Variants in SLC22A15 observed in about 807,000 individuals in gnomAD.
The protein encoded by SLC22A15 is flipt 1.
SLC22A15 carries 45 observed loss-of-function variants against 62.7 expected under a neutral mutation model. The ratio of observed to expected loss-of-function variants is 0.72; its 90% confidence interval spans 0.56 to 0.92. The LOEUF (loss-of-function observed/expected upper bound fraction) is 0.92. Among genes scored for constraint, SLC22A15 ranks in the 40% least tolerant of loss-of-function variants. The pLI is 0.00. For missense variants in SLC22A15, 622 were observed against 665.6 expected (o/e 0.93, Z 0.72); for synonymous variants, 264 against 267.0 (o/e 0.99, Z 0.11).
In SLC22A15 at chr1:116,037,343, G is replaced by A. The variant is rs1657657387; in HGVS notation, c.1126G>A (p.Gly376Arg). The change falls in exon 8 of 12, where the codon GGA becomes AGA. Residue 376 changes from glycine (G) to arginine (R), a missense_variant. Physicochemically the swap from Gly to Arg is moderately radical, Grantham distance 125. Transcript: ENST00000369503. The stretch of plus-strand genomic sequence containing the variant: ...AACATTATCAGCATTTCTGTGCCTA[G>A]GAGGACTGGCTTGTCTTATTGTAAT... ...KRTLSAFLCLGGLACLIVMFL... is the reference protein window; with the variant it reads ...KRTLSAFLCLRGLACLIVMFL... 6.2e-7 allele frequency: 1 copy of A among 1,613,318 alleles called. No homozygotes were observed. The highest frequency in any genetic ancestry group is 1.3e-5 in the African/African-American group (1 of 74,874).
chr1:115,984,665 G>C (rs1252297468), intron 1 of SLC22A15, among the ~76,000 whole-genome samples: 1 of 152,106 alleles, frequency 6.6e-6, no homozygotes, highest in East Asian at 1.9e-4. Flanking sequence ...TTCTTCGGGA[G>C]ACAGTCCAGA....
chr1:116,039,025 A>C (rs551008185), intron 8 of SLC22A15, among the ~76,000 whole-genome samples: 1 of 152,302 alleles, frequency 6.6e-6, no homozygotes, highest in East Asian at 1.9e-4. Context: ...TCCATGGTGA[A>C]GGCAGATGTA....
In SLC22A15 at chr1:116,067,020, G is replaced by A. The variant is rs1470072990; in HGVS notation, c.1556G>A (p.Cys519Tyr). 4 of 1,610,366 alleles carry A rather than the reference G, an allele frequency of 2.5e-6. No individual in the cohort carries two copies. In the East Asian group the frequency reaches 8.9e-5, roughly 36 times the overall value. The change falls in exon 12 of 12, where the codon TGT becomes TAT. Residue 519 changes from cysteine (C) to tyrosine (Y), a missense_variant and splice_region_variant. By Grantham distance (194) the Cys-to-Tyr change is radical (BLOSUM62 -2). Coordinates refer to ENST00000369503, the MANE Select transcript of SLC22A15 (RefSeq NM_018420.3). ...LSLQALDPQQ[C>Y]VDKESSLGSE... ...CCCTTTTCTTCTTTCCTGTTTCAGT[G>A]TGTGGACAAGGAGAGCTCTTTAGGG...
At chr1:116,035,523 T>C (rs1471134404) in intron 7 of SLC22A15, among the ~76,000 whole-genome samples, 196 bp downstream of exon 7, 2 of 152,222 alleles carry the variant, frequency 1.3e-5, no homozygotes, top group African/African-American at 4.8e-5. Context: ...TTGAGTTTCA[T>C]GTTTACGAGT....
At chr1:116,031,244 T>G (rs1657377758) in intron 5 of SLC22A15, 122 bp from the exon 6 acceptor site, 1 of 711,578 alleles carries the variant, frequency 1.4e-6, no homozygotes, top group African/African-American at 1.8e-5. Context: ...AGAGTCAAAC[T>G]TTAAGTCTAA....
At position 116,020,826 on chromosome 1, in the gene SLC22A15, C is replaced by T; in HGVS notation, c.539C>T (p.Ser180Leu). 2 of 1,613,626 alleles carry T rather than the reference C, an allele frequency of 1.2e-6. No individual in the cohort carries two copies. The highest frequency in any genetic ancestry group is 1.7e-6 in the Non-Finnish European group (2 of 1,179,722). Reference protein sequence around the residue: ...FLVGMMNGGMSLVAFVLLNEC... With the variant: ...FLVGMMNGGMLLVAFVLLNEC... Reference sequence around the variant, plus strand: ...GTGGGCATGATGAATGGAGGGATGTCGCTGGTGGCCTTTGTCTTGCTTAAT... The same window carrying T: ...GTGGGCATGATGAATGGAGGGATGTTGCTGGTGGCCTTTGTCTTGCTTAAT... Residue 180 changes from serine to leucine, a missense_variant, in exon 4 of 12, where the codon TCG becomes TTG. Physicochemically the swap from Ser to Leu is moderately radical, Grantham distance 145 (BLOSUM62 -2). Transcript: ENST00000369503.
Position 116,019,638 on chromosome 1 carries a change from C to A in SLC22A15, c.357C>A (p.Phe119Leu). The A allele has an allele frequency of 6.2e-7, 1 of 1,612,786 alleles. No homozygotes were observed. Among genetic ancestry groups the A allele is most frequent in the South Asian group, 1.1e-5 (1 of 90,860 alleles). ...YKVSAASSFF[F>L]SGVFVGVISF... ...TCAGTGCAGCAAGCTCTTTTTTCTT[C>A]AGTGGTGTATTTGTTGGAGTTATCT... The change falls in exon 3 of 12, where the codon TTC becomes TTA. Residue 119 changes from phenylalanine (F) to leucine (L), a missense_variant. By Grantham distance (22) the Phe-to-Leu change is conservative (BLOSUM62 0). Transcript: ENST00000369503.
intron 5 of SLC22A15, among the ~76,000 whole-genome samples, chr1:116,028,538 TTTTTTTTTTTA>T (rs1026001724): frequency 2.5e-5 from 3 of 118,002 alleles, no homozygotes; most frequent in African/African-American, 9.4e-5. Flanking sequence ...TTTTTTTTTT[TTTTTTTTTTTA>T]AAATATATAG....
intron 8 of SLC22A15, among the ~76,000 whole-genome samples, chr1:116,048,726 A>G (rs1459317438): frequency 6.6e-6 from 1 of 152,212 alleles, no homozygotes; most frequent in African/African-American, 2.4e-5. Context: ...AAATAGCACA[A>G]TGAATGCAAG....
At chr1:116,032,443 T>C (rs936288368) in intron 6 of SLC22A15, 1 of 985,288 alleles carries the variant, frequency 1.0e-6, no homozygotes, top group African/African-American at 1.7e-5. Flanking sequence ...GAAGCCTGCA[T>C]GGAGCCCTAC....
intron 8 of SLC22A15, among the ~76,000 whole-genome samples, chr1:116,051,277 C>A (rs535191503): frequency 1.3e-5 from 2 of 152,154 alleles, no homozygotes; most frequent in East Asian, 1.9e-4. Context: ...GCAAAAAGAA[C>A]AAATCTGGAG....
chr1:116,027,287 A>G (rs1457469189), intron 5 of SLC22A15: 1 of 585,022 alleles, frequency 1.7e-6, no homozygotes, highest in Non-Finnish European at 3.3e-6. Flanking sequence ...TAGGCAACCA[A>G]TTGCTTTTTT....
At chr1:116,035,050 A>C in intron 6 of SLC22A15, 137 bp from the exon 7 acceptor site, 1 of 884,522 alleles carries the variant, frequency 1.1e-6, no homozygotes, top group Non-Finnish European at 1.6e-6. Flanking sequence ...AATTAGTAGG[A>C]GAGACAAGCT....
At chr1:115,980,720 T>C (rs973973675) in intron 1 of SLC22A15, among the ~76,000 whole-genome samples, 2 of 152,130 alleles carry the variant, frequency 1.3e-5, no homozygotes, top group East Asian at 1.9e-4. Flanking sequence ...TGGTTGCCTC[T>C]TGGGAAGGAA....
rs888649253 is a variant in SLC22A15 at position 116,066,421 on chromosome 1, T to C, written c.1366-99T>C. The stretch of plus-strand genomic sequence containing the variant: ...GTCTAGTGCGAGGTCATGAACTAGG[T>C]GGTAAACATGACAGTTTTTCAGTCA... On this transcript the variant is annotated intron_variant, in intron 10 of 11. Coordinates refer to ENST00000369503, the MANE Select transcript of SLC22A15 (RefSeq NM_018420.3). 3.7e-6 allele frequency: 4 copies of C among 1,068,418 alleles called. No homozygotes were observed. The African/African-American group carries it at 6.4e-5, about 17-fold the overall frequency. 66.2% of individuals were successfully genotyped at this position (1,068,418 alleles called of 1,614,324 possible).
intron 5 of SLC22A15, among the ~76,000 whole-genome samples, chr1:116,027,565 G>A (rs1657157207): frequency 6.6e-6 from 1 of 152,024 alleles, no homozygotes. Context: ...ACTGCCCAAG[G>A]GTGTCATACC....
chr1:116,051,593 C>A (rs761144037), intron 8 of SLC22A15, among the ~76,000 whole-genome samples: 1 of 152,056 alleles, frequency 6.6e-6, no homozygotes, highest in Non-Finnish European at 1.5e-5. Flanking sequence ...AATCTAAGAC[C>A]GGAAACTATA....
At chr1:115,989,598 T>C (rs953307381) in intron 1 of SLC22A15, among the ~76,000 whole-genome samples, 3 of 152,062 alleles carry the variant, frequency 2.0e-5, no homozygotes, top group African/African-American at 7.2e-5. Flanking sequence ...CTGGCCAACA[T>C]GGTGAAACCT....
rs1280080327 is a variant in SLC22A15, at chr1:116,019,695, GA to G, written c.420del (p.Val141SerfsTer27). ...GTCAGCTTTCAGATCGCTTCGGAAG[GA>G]AAAAAGTCTATCTCACAGGTAATCT... Reference protein sequence around the residue: ...FGQLSDRFGRKKVYLTGFALD... With the variant: ...FGQLSDRFGRXKVYLTGFALD... On this transcript the variant is annotated frameshift_variant, in exon 3 of 12. Transcript: ENST00000369503. LOFTEE classifies it high-confidence loss of function. 1.3e-5 allele frequency: 21 copies of G among 1,610,834 alleles called. No homozygotes were observed. The highest frequency in any genetic ancestry group is 1.7e-5 in the Non-Finnish European group (20 of 1,179,088).
Sources: allele counts gnomAD v4.1 joint callset (sites outside exome capture counted in the v4.1 genomes callset), GRCh38; gene constraint gnomAD v4.1.1; transcripts MANE v1.5; gene names NCBI Gene and HGNC (gene_info 2026-07-23, HGNC 2026-07-21).